TSPAN9: variants seen among roughly 807,000 people sequenced by gnomAD.
TSPAN9 encodes tetraspanin 9, also known as tetraspanin-9.
TSPAN9 carries 16 observed loss-of-function variants against 31.0 expected under a neutral mutation model. That is an observed-to-expected ratio of 0.52 (90% CI 0.35 to 0.78). TSPAN9 has a LOEUF of 0.78. TSPAN9 is among the 30% of genes least tolerant of loss of function. The pLI, the probability that TSPAN9 is intolerant of heterozygous loss-of-function variation, is 0.01. For missense variants in TSPAN9, 272 were observed against 312.5 expected (o/e 0.87, Z 0.98); for synonymous variants, 145 against 121.6 (o/e 1.19, Z -1.27).
chr12:3,133,581 C>T (rs1036190258), intron 2 of TSPAN9, among the ~76,000 whole-genome samples: 5 of 152,122 alleles, frequency 3.3e-5, no homozygotes, highest in Non-Finnish European at 7.4e-5. Context: ...CTAAGGGCAG[C>T]TCCAAAACAG....
At chr12:3,200,769 G>A (rs1301793692) in intron 2 of TSPAN9, 1 of 153,732 alleles carries the variant, frequency 6.5e-6, no homozygotes, top group East Asian at 1.9e-4. Context: ...CCCTGGGCGC[G>A]GGGTTCGGCC....
Position 3,201,248 on chromosome 12 carries a change from A to T in TSPAN9, c.55A>T (p.Ile19Leu), listed in dbSNP as rs773361935. 1.2e-5 allele frequency: 20 copies of T among 1,613,962 alleles called. No individual in the cohort carries two copies. The highest frequency in any genetic ancestry group is 1.7e-5 in the Non-Finnish European group (20 of 1,179,986). ...LKYMMFLFNL[I>L]FWLCGCGLLG... is the part of the protein sequence containing the mutation. ...GTACATGATGTTCCTCTTCAATTTGATATTCTGGGTAAGTCCTTCCGTTTC... is the reference window on the plus strand; with the variant it reads ...GTACATGATGTTCCTCTTCAATTTGTTATTCTGGGTAAGTCCTTCCGTTTC... Residue 19 changes from isoleucine to leucine, a missense_variant, in exon 3 of 9, where the codon ATA (isoleucine) becomes TTA (leucine). Physicochemically the swap from Ile to Leu is conservative, Grantham distance 5 (BLOSUM62 2). Coordinates refer to ENST00000011898, the MANE Select transcript of TSPAN9 (RefSeq NM_006675.5).
At chr12:3,243,589 C>T (rs1361849205) in intron 3 of TSPAN9, among the ~76,000 whole-genome samples, 1 of 152,178 alleles carries the variant, frequency 6.6e-6, no homozygotes, top group Non-Finnish European at 1.5e-5. Flanking sequence ...GATCACGGCA[C>T]AGGAAGCTTC....
chr12:3,209,986 ATTAG>A (rs1439998775), intron 3 of TSPAN9, among the ~76,000 whole-genome samples: 23 of 38,732 alleles, frequency 5.9e-4, no homozygotes, highest in Admixed American at 1.2e-3. Flanking sequence ...AAAAAAAAAA[ATTAG>A]CCGGGTGTGG....
intron 2 of TSPAN9, among the ~76,000 whole-genome samples, chr12:3,096,961 G>A (rs1175250363): frequency 6.6e-6 from 1 of 152,216 alleles, no homozygotes; most frequent in African/African-American, 2.4e-5. Context: ...GCCTCCCAAA[G>A]TGCTGGGATT....
At chr12:3,124,613 T>A (rs927642953) in intron 2 of TSPAN9, among the ~76,000 whole-genome samples, 5 of 151,932 alleles carry the variant, frequency 3.3e-5, no homozygotes, top group African/African-American at 1.2e-4. Context: ...TTTCTCTATG[T>A]TGATCAGGCT....
At chr12:3,219,662 A>C (rs1391374352) in intron 3 of TSPAN9, among the ~76,000 whole-genome samples, 2 of 152,240 alleles carry the variant, frequency 1.3e-5, no homozygotes, top group East Asian at 3.9e-4. Context: ...GATGACTTAA[A>C]AAGGGAATGA....
At chr12:3,214,117 C>T (rs1036661809) in intron 3 of TSPAN9, among the ~76,000 whole-genome samples, 1 of 152,186 alleles carries the variant, frequency 6.6e-6, no homozygotes, top group Non-Finnish European at 1.5e-5. Flanking sequence ...CCTCAGTTTC[C>T]ACATCTGGAA....
intron 3 of TSPAN9, among the ~76,000 whole-genome samples, chr12:3,236,369 C>A (rs1466969584): frequency 6.6e-6 from 1 of 152,320 alleles, no homozygotes; most frequent in Non-Finnish European, 1.5e-5. Context: ...ATTTCCACAG[C>A]AAACCTGAGA....
At chr12:3,260,966 C>G (rs542301168) in intron 3 of TSPAN9, among the ~76,000 whole-genome samples, 1 of 152,164 alleles carries the variant, frequency 6.6e-6, no homozygotes, top group Non-Finnish European at 1.5e-5. Flanking sequence ...AGCCATATCC[C>G]TTGGGTTGTA....
chr12:3,158,717 G>A (rs2098343590), intron 2 of TSPAN9, among the ~76,000 whole-genome samples: 1 of 52,538 alleles, frequency 1.9e-5, no homozygotes, highest in South Asian at 1.1e-3. Flanking sequence ...GCAAGACTCT[G>A]TCTCAAAAAA....
intron 2 of TSPAN9, among the ~76,000 whole-genome samples, chr12:3,163,454 C>A (rs1022983287): frequency 6.6e-6 from 1 of 152,188 alleles, no homozygotes; most frequent in Admixed American, 6.5e-5. Flanking sequence ...GCTTTCTGTT[C>A]TCATTTTATG....
At chr12:3,183,731 GAGA>G (rs959477690) in intron 2 of TSPAN9, among the ~76,000 whole-genome samples, 40 of 152,258 alleles carry the variant, frequency 2.6e-4, no homozygotes, top group African/African-American at 8.7e-4. Flanking sequence ...CCCACGCTTG[GAGA>G]AGTAGTTTTA....
chr12:3,207,748 C>A (rs1483690682), intron 3 of TSPAN9, among the ~76,000 whole-genome samples: 2 of 152,102 alleles, frequency 1.3e-5, no homozygotes, highest in African/African-American at 4.8e-5. Context: ...TGCGTCAGGA[C>A]CACGCAGAGA....
intron 2 of TSPAN9, among the ~76,000 whole-genome samples, chr12:3,109,237 G>C (rs564173128): frequency 6.7e-6 from 1 of 148,654 alleles, no homozygotes; most frequent in South Asian, 2.1e-4. Context: ...CTCCTGGCCA[G>C]GAGGAAGGAT....
chr12:3,172,538 A>C lies in TSPAN9; in HGVS notation c.-17-28639A>C, dbSNP rs2098352589. The C allele has an allele frequency of 6.6e-6, 1 of 152,146 alleles. No individual in the cohort carries two copies. The highest frequency in any genetic ancestry group is 1.5e-5 in the Non-Finnish European group (1 of 68,044). 9.4% of individuals were successfully genotyped at this position (152,146 alleles called of 1,614,324 possible). On this transcript the variant is annotated intron_variant, in intron 2 of 8. Coordinates refer to ENST00000011898, the MANE Select transcript of TSPAN9 (RefSeq NM_006675.5). This position sits in a 1 kb window ranked among gnomAD's most constrained non-coding sequence, Gnocchi z 4.8. ...TGCTGAGTCCCACCCTAGCGCATAG[A>C]ATCATAACCGCGGGGGTCTGGTCTG...
At chr12:3,092,035 T>C (rs2098305000) in intron 2 of TSPAN9, among the ~76,000 whole-genome samples, 1 of 152,230 alleles carries the variant, frequency 6.6e-6, no homozygotes, top group South Asian at 2.1e-4. Context: ...CAATGCTGAC[T>C]GTGCAAACCT....
chr12:3,221,365 T>C (rs1276871598), intron 3 of TSPAN9, among the ~76,000 whole-genome samples: 1 of 150,126 alleles, frequency 6.7e-6, no homozygotes. Flanking sequence ...TTTCTCTTTT[T>C]TTTTTTTTTT....
intron 3 of TSPAN9, among the ~76,000 whole-genome samples, chr12:3,257,767 C>T (rs1294370797): frequency 2.8e-4 from 3 of 10,888 alleles, no homozygotes; most frequent in Admixed American, 1.0e-3. Context: ...AGACTTTGGG[C>T]GGGAGGGGTA....
Sources: gnomAD v4.1 joint callset for allele counts (sites outside exome capture counted in the v4.1 genomes callset) on GRCh38, gnomAD v4.1.1 for gene constraint, Gnocchi (gnomAD v3.1) non-coding constraint, MANE v1.5 for transcripts, NCBI Gene and HGNC (gene_info 2026-07-23, HGNC 2026-07-21) for gene names.